ZNF777: variants seen among roughly 807,000 people sequenced by gnomAD.
ZNF777 encodes zinc finger protein 777.
Under a neutral mutation model 72.1 loss-of-function variants are expected in ZNF777, and 7 were observed. The ratio of observed to expected loss-of-function variants is 0.10; its 90% CI spans 0.06 to 0.18. The LOEUF (loss-of-function observed/expected upper bound fraction) is 0.18, where lower values mean the gene tolerates loss of function less well. Ranked by LOEUF, ZNF777 falls within the 10% of genes least tolerant of loss-of-function variation. The probability of loss-of-function intolerance (pLI) is 1.00; values close to 1 mark genes in which losing one functional copy is unlikely to be tolerated. For synonymous variants in ZNF777, 545 were observed against 483.5 expected, an observed-to-expected ratio of 1.13 and a Z score of -1.67; for missense variants, 828 against 1,128.6, an observed-to-expected ratio of 0.73 and a Z score of 3.82.
chr7:149,441,778 C>G (rs932193777), intron 4 of ZNF777, among the ~76,000 whole-genome samples: 1 of 152,180 alleles, frequency 6.6e-6, no homozygotes, highest in African/African-American at 2.4e-5. Flanking sequence ...TTAAAATAAG[C>G]ATTTAATTAC....
At chr7:149,438,467 G>T (rs531876900) in intron 4 of ZNF777, among the ~76,000 whole-genome samples, 1 of 152,288 alleles carries the variant, frequency 6.6e-6, no homozygotes, top group Admixed American at 6.5e-5. Context: ...AATAGAATAT[G>T]TCATGTACAC....
rs1240857282 is a variant in ZNF777, at chr7:149,436,628, G to A, written c.1286C>T (p.Ser429Phe). The change falls in exon 5 of 6, where the codon TCC (serine) becomes TTC (phenylalanine). Residue 429 changes from serine (S) to phenylalanine (F), a missense_variant. Physicochemically the swap from Ser to Phe is radical, Grantham distance 155 (BLOSUM62 -2). Transcript: ENST00000247930. This position sits in a 1 kb window ranked among gnomAD's most constrained non-coding sequence, Gnocchi z 5.0. ...ENTLEESTEG[S>F]SEFSELKQML... ...CTGCTTCAGTTCGCTGAACTCGCTG[G>A]AGCCTTCCGTGGACTCCTCCAGCGT... is the stretch of plus-strand genomic sequence containing the variant. 6.2e-7 allele frequency: 1 copy of A among 1,613,230 alleles called. No individual in the cohort carries two copies. Among genetic ancestry groups the A allele is most frequent in the Non-Finnish European group, 8.5e-7 (1 of 1,179,946 alleles).
At chr7:149,450,887 C>T in intron 4 of ZNF777, 112 bp downstream of exon 4, 1 of 940,038 alleles carries the variant, frequency 1.1e-6, no homozygotes, top group South Asian at 1.7e-5. Flanking sequence ...GGCCTCCTTC[C>T]TGCTAACATA....
rs760326540 is a variant in ZNF777, at chr7:149,455,387, C to T, written c.636G>A (p.Arg212=). The change falls in exon 2 of 6, where the codon AGG becomes AGA. Residue 212 remains arginine (R), a synonymous_variant. Transcript: ENST00000247930. This position sits in a 1 kb window ranked among gnomAD's most constrained non-coding sequence, Gnocchi z 4.2. Reference sequence around the variant, plus strand: ...CTATCTTCTTTTCATTTGTCCCCGTCCTGCCTTCCAGGGTCAGTAGCCTCA... The same window carrying T: ...CTATCTTCTTTTCATTTGTCCCCGTTCTGCCTTCCAGGGTCAGTAGCCTCA... The part of the protein sequence containing the change: ...QAMRLLTLEG[R]TGTNEKKIAD... 6.2e-7 allele frequency: 1 copy of T among 1,614,216 alleles called. No homozygotes were observed. The highest frequency in any genetic ancestry group is 1.7e-5 in the Admixed American group (1 of 60,026).
chr7:149,452,259 C>T (rs140175698), intron 3 of ZNF777, among the ~76,000 whole-genome samples: 4,211 of 130,828 alleles, frequency 0.032, 201 homozygotes, highest in African/African-American at 0.11. Context: ...AGCGAGACTC[C>T]GTCTCAAAAA....
rs1301413677 is a variant in ZNF777, at chr7:149,436,510, G to A, written c.1339+65C>T. 3 of 1,503,000 alleles carry A rather than the reference G, an allele frequency of 2.0e-6. No individual in the cohort carries two copies. In the South Asian group the frequency reaches 3.9e-5, roughly 20 times the overall value. The allele number at this position is 1,503,000 out of a possible 1,614,324, so 93.1% of individuals were successfully genotyped here. ...TCTGAAGGAACCACAGCTTTCCCAG[G>A]GGGCAGGGGCCCTCTGGGAGGCCTC... On this transcript the variant is annotated intron_variant, in intron 5 of 5. Transcript: ENST00000247930. This position sits in a 1 kb window ranked among gnomAD's most constrained non-coding sequence, Gnocchi z 5.0.
At chr7:149,440,218 A>G (rs1366841960) in intron 4 of ZNF777, among the ~76,000 whole-genome samples, 4 of 152,204 alleles carry the variant, frequency 2.6e-5, no homozygotes, top group African/African-American at 4.8e-5. Context: ...AAGCTGCAAG[A>G]GAACTTGCCA....
intron 4 of ZNF777, among the ~76,000 whole-genome samples, chr7:149,439,114 T>C (rs1187524145): frequency 4.6e-5 from 7 of 152,060 alleles, no homozygotes; most frequent in Non-Finnish European, 1.0e-4. Flanking sequence ...GTAATGTCTC[T>C]CTTCCCTCCT....
chr7:149,438,517 T>C (rs561703758), intron 4 of ZNF777, among the ~76,000 whole-genome samples: 1 of 152,310 alleles, frequency 6.6e-6, no homozygotes, highest in Admixed American at 6.5e-5. Context: ...TAGCAGACAC[T>C]GAGCACCAAC....
At chr7:149,445,812 G>A (rs1799590781) in intron 4 of ZNF777, among the ~76,000 whole-genome samples, 1 of 152,170 alleles carries the variant, frequency 6.6e-6, no homozygotes, top group Non-Finnish European at 1.5e-5. Context: ...GAGGCAATGG[G>A]AGCTGAGGGG....
chr7:149,446,946 C>T (rs193068276), intron 4 of ZNF777, among the ~76,000 whole-genome samples: 30 of 152,146 alleles, frequency 2.0e-4, no homozygotes, highest in Non-Finnish European at 3.8e-4. Flanking sequence ...GAATACGACA[C>T]GGTTGGGCAT....
intron 3 of ZNF777, among the ~76,000 whole-genome samples, chr7:149,451,862 G>C (rs1426924177): frequency 6.6e-6 from 1 of 152,166 alleles, no homozygotes; most frequent in Non-Finnish European, 1.5e-5. Context: ...ATATGGCAAA[G>C]GGTTAATATC....
chr7:149,447,744 C>T (rs1301468108), intron 4 of ZNF777, among the ~76,000 whole-genome samples: 2 of 152,232 alleles, frequency 1.3e-5, no homozygotes, highest in Admixed American at 1.3e-4. Context: ...AGAAATTCCA[C>T]ATCCTCCAAG....
intron 1 of ZNF777, chr7:149,459,892 C>A (rs931626691): frequency 2.0e-6 from 2 of 976,910 alleles, no homozygotes; most frequent in Non-Finnish European, 2.4e-6. Context: ...TGTGCCGGGC[C>A]GGGCGTGAGA....
At chr7:149,441,801 A>G (rs1799520727) in intron 4 of ZNF777, among the ~76,000 whole-genome samples, 1 of 151,890 alleles carries the variant, frequency 6.6e-6, no homozygotes, top group African/African-American at 2.4e-5. Flanking sequence ...AGACTTAGCA[A>G]TTTTCTTTTT....
At position 149,436,839 on chromosome 7, in the gene ZNF777, G is replaced by A; in HGVS notation, c.1088-13C>T. On this transcript the variant is annotated splice_polypyrimidine_tract_variant and intron_variant, in intron 4 of 5. Coordinates refer to ENST00000247930, the MANE Select transcript of ZNF777 (RefSeq NM_015694.3). The surrounding 1 kb of genome is among the most constrained non-coding windows in gnomAD (Gnocchi z 5.0). ...ATCCCATCGTGCGCTGAGAGAGGGT[G>A]GGCAGGGGTGAGGAGGAGAAAAGAA... The A allele has an allele frequency of 1.2e-6, 2 of 1,600,458 alleles. No homozygotes were observed. Among genetic ancestry groups the A allele is most frequent in the African/African-American group, 1.3e-5 (1 of 74,800 alleles).
rs1174284220 is a variant in ZNF777 at position 149,451,062 on chromosome 7, G to A, written c.1024C>T (p.Arg342Trp). ...DLMSQMERGE[R>W]PTMQEQEDSE... The stretch of plus-strand genomic sequence containing the variant: ...TCTTCCTGCTCCTGCATGGTGGGCC[G>A]CTCCCCGCGCTCCATCTGTGACATG... The change falls in exon 4 of 6, where the codon CGG (arginine) becomes TGG (tryptophan). Residue 342 changes from arginine (R) to tryptophan (W), a missense_variant. Transcript: ENST00000247930. 9 of 1,613,810 alleles carry A rather than the reference G, an allele frequency of 5.6e-6. No homozygotes were observed. Among genetic ancestry groups the A allele is most frequent in the Admixed American group, 1.7e-5 (1 of 59,988 alleles).
At chr7:149,448,585 A>AGT (rs1563237837) in intron 4 of ZNF777, among the ~76,000 whole-genome samples, 250 of 24,216 alleles carry the variant, frequency 0.01, 1 homozygote, top group East Asian at 0.051. Flanking sequence ...ATAACTATAT[A>AGT]TATATATATA....
Position 149,436,952 on chromosome 7 carries a change from G to T in ZNF777, c.1088-126C>A, listed in dbSNP as rs188633602. ...CTTATCTTAGAGACCCTGAAGAAAT[G>T]TAATATTGAGTTGGAAATGAGTAGA... On this transcript the variant is annotated intron_variant, in intron 4 of 5. Transcript: ENST00000247930. The surrounding 1 kb of genome is among the most constrained non-coding windows in gnomAD (Gnocchi z 5.0). 10 of 1,212,154 alleles carry T rather than the reference G, an allele frequency of 8.2e-6. No homozygotes were observed. The highest frequency in any genetic ancestry group is 2.6e-5 in the Admixed American group (1 of 38,680). The allele number at this position is 1,212,154 out of a possible 1,614,324, so 75.1% of individuals were successfully genotyped here. A position where few individuals can be genotyped will look rare whatever the true frequency, so the allele number is the denominator to read the frequency against.
Sources: allele counts gnomAD v4.1 joint callset (sites outside exome capture counted in the v4.1 genomes callset), GRCh38; gene constraint gnomAD v4.1.1; non-coding constraint Gnocchi (gnomAD v3.1); transcripts MANE v1.5; gene names NCBI Gene and HGNC (gene_info 2026-07-23, HGNC 2026-07-21).